Variants in WNK2 observed in about 807,000 individuals in gnomAD.
WNK2 encodes the protein serine/threonine-protein kinase WNK2.
In WNK2, 67 loss-of-function variants were observed where a neutral mutation model predicts 192.1. That is an observed-to-expected ratio of 0.35 (90% confidence interval 0.29 to 0.43). WNK2 has a LOEUF of 0.43. WNK2 is among the 20% of genes least tolerant of loss of function. WNK2 has a pLI of 1.00. For synonymous variants in WNK2, 1,439 were observed against 1,393.9 expected (o/e 1.03, Z -0.72); for missense variants, 2,698 against 3,089.7 (o/e 0.87, Z 3.01).
intron 27 of WNK2, 190 bp downstream of exon 27, chr9:93,307,011 G>A (rs879578805): frequency 2.2e-5 from 15 of 669,908 alleles, no homozygotes; most frequent in African/African-American, 3.6e-5. Context: ...CGGCTCCCCC[G>A]TGTGTCTCGT....
In WNK2 at chr9:93,258,986, T is replaced by C. The variant is rs748131140; in HGVS notation, c.2438T>C (p.Leu813Pro). Residue 813 changes from leucine to proline, a missense_variant, in exon 12 of 30, where the codon CTC becomes CCC. Leu to Pro is a moderately conservative substitution (Grantham distance 98). Coordinates refer to ENST00000427277, the MANE Select transcript of WNK2 (RefSeq NM_006648.4). ...ACGCCCCTGGCGGGAATCGACGGCC[T>C]CCCTCCGGCCCTCCCAGACCTGCCG... ...PITPLAGIDG[L>P]PPALPDLPTA... The C allele has an allele frequency of 1.2e-6, 2 of 1,612,086 alleles. No homozygotes were observed. The highest frequency in any genetic ancestry group is 1.7e-6 in the Non-Finnish European group (2 of 1,179,606).
intron 10 of WNK2, 199 bp from the exon 11 acceptor site, chr9:93,256,749 C>A (rs1843364736): frequency 4.4e-6 from 3 of 685,466 alleles, no homozygotes; most frequent in Non-Finnish European, 7.1e-6. Flanking sequence ...TGGCTCCAGG[C>A]TGGCTGGAGT....
intron 2 of WNK2, among the ~76,000 whole-genome samples, chr9:93,189,760 G>A (rs989520790): frequency 6.6e-5 from 10 of 152,372 alleles, no homozygotes; most frequent in Middle Eastern, 6.8e-3. Context: ...CTAGGCAGGC[G>A]TTCTGCATGT....
At chr9:93,292,464 C>G (rs1849514228) in intron 22 of WNK2, 27 bp from the exon 23 acceptor site, 1 of 1,611,368 alleles carries the variant, frequency 6.2e-7, no homozygotes, top group Non-Finnish European at 8.5e-7. Flanking sequence ...TCACATGAAA[C>G]CTCTTCATCT....
At chr9:93,199,986 GC>G (rs761841557) in intron 2 of WNK2, among the ~76,000 whole-genome samples, 1 of 152,042 alleles carries the variant, frequency 6.6e-6, no homozygotes, top group East Asian at 1.9e-4. Context: ...GTCCAGGGCA[GC>G]CCCAGCCTGG....
In WNK2 at chr9:93,217,326, A is replaced by G. The variant is rs112024181; in HGVS notation, c.682-12370A>G. 6.6e-4 allele frequency among the ~76,000 whole-genome samples: 101 copies of G among 152,316 alleles called. 1 individual carries two copies. Among genetic ancestry groups the G allele is most frequent in the African/African-American group, 2.2e-3 (90 of 41,562 alleles). On this transcript the variant is annotated intron_variant, in intron 2 of 29. Transcript: ENST00000427277. The stretch of plus-strand genomic sequence containing the variant: ...GCACTTACAGAACATCTCAACCTGT[A>G]CTGGCCTGATTTCAAGTGCTCATTA...
At chr9:93,217,285 C>T (rs967423235) in intron 2 of WNK2, among the ~76,000 whole-genome samples, 13 of 152,198 alleles carry the variant, frequency 8.5e-5, no homozygotes, top group African/African-American at 2.2e-4. Flanking sequence ...GATACTACGC[C>T]GCTGCCACGT....
chr9:93,253,070 G>A lies in WNK2; in HGVS notation c.2022G>A (p.Gln674=). 6.8e-7 allele frequency: 1 copy of A among 1,476,128 alleles called. No individual in the cohort carries two copies. The highest frequency in any genetic ancestry group is 1.3e-5 in the South Asian group (1 of 74,550). 91.4% of individuals were successfully genotyped at this position (1,476,128 alleles called of 1,614,324 possible). Reference sequence around the variant, plus strand: ...TGCCCTCGCTGGGGGCCTACCAGCAGCCCACGGCTGCAGTGAGTCAGAGCA... The same window carrying A: ...TGCCCTCGCTGGGGGCCTACCAGCAACCCACGGCTGCAGTGAGTCAGAGCA... ...QSLPSLGAYQ[Q]PTAAPGLPVG... Residue 674 remains glutamine, a synonymous_variant, in exon 9 of 30, where the codon CAG becomes CAA. Coordinates refer to ENST00000427277, the MANE Select transcript of WNK2 (RefSeq NM_006648.4).
At chr9:93,275,793 A>C (rs1846771618) in intron 19 of WNK2, among the ~76,000 whole-genome samples, 1 of 152,242 alleles carries the variant, frequency 6.6e-6, no homozygotes, top group African/African-American at 2.4e-5. Flanking sequence ...AAATACCTCA[A>C]TATTTGTATA....
chr9:93,269,687 A>G (rs1229523063), intron 19 of WNK2, among the ~76,000 whole-genome samples: 1 of 152,198 alleles, frequency 6.6e-6, no homozygotes, highest in Non-Finnish European at 1.5e-5. Context: ...CCCTCCTAAG[A>G]GCTAATTTTT....
At chr9:93,248,762 GTTTC>G (rs1842138708) in intron 8 of WNK2, among the ~76,000 whole-genome samples, 2 of 152,220 alleles carry the variant, frequency 1.3e-5, no homozygotes, top group African/African-American at 4.8e-5. Context: ...AGGCAGAAAA[GTTTC>G]TGTCTGTGCC....
intron 2 of WNK2, among the ~76,000 whole-genome samples, chr9:93,214,802 A>T (rs969173441): frequency 1.4e-5 from 2 of 145,102 alleles, no homozygotes; most frequent in African/African-American, 5.1e-5. Flanking sequence ...CTTTCTTTGT[A>T]TCTAATCTGC....
At chr9:93,273,719 C>T (rs1402186497) in intron 19 of WNK2, among the ~76,000 whole-genome samples, 1 of 152,164 alleles carries the variant, frequency 6.6e-6, no homozygotes, top group Non-Finnish European at 1.5e-5. Flanking sequence ...ATACATTTTT[C>T]AAGTACGTAT....
chr9:93,265,948 G>GT (rs537551419), intron 16 of WNK2, among the ~76,000 whole-genome samples: 5 of 152,302 alleles, frequency 3.3e-5, no homozygotes, highest in South Asian at 4.1e-4. Flanking sequence ...TCTCAGCCTT[G>GT]TTTTTTTCAC....
At chr9:93,261,057 C>T (rs1844149632) in intron 12 of WNK2, among the ~76,000 whole-genome samples, 1 of 152,104 alleles carries the variant, frequency 6.6e-6, no homozygotes. Context: ...CATGGGGTAC[C>T]CTGAATGCAG....
chr9:93,294,796 G>A (rs1849971735), intron 23 of WNK2, among the ~76,000 whole-genome samples: 1 of 152,048 alleles, frequency 6.6e-6, no homozygotes, highest in Non-Finnish European at 1.5e-5. Flanking sequence ...GCAGGGAGAG[G>A]ACCAGAAGCA....
Position 93,260,898 on chromosome 9 carries a change from TC to T in WNK2, c.3067-914del, listed in dbSNP as rs530610659. On this transcript the variant is annotated intron_variant, in intron 12 of 29. Coordinates refer to ENST00000427277, the MANE Select transcript of WNK2 (RefSeq NM_006648.4). ...GAGGGGGACCTTGCTGTCTGGGCTT[TC>T]CTACCTGAAGAGCCTTTCTGGGCAC... is the stretch of plus-strand genomic sequence containing the variant. Among the ~76,000 whole-genome samples the T allele has an allele frequency of 1.1e-3, 175 of 152,330 alleles. 1 individual carries two copies. Among genetic ancestry groups the T allele is most frequent in the African/African-American group, 3.4e-3 (142 of 41,580 alleles).
chr9:93,318,470 T>C, intron 29 of WNK2: 2 of 1,614,050 alleles, frequency 1.2e-6, no homozygotes, highest in Non-Finnish European at 1.7e-6. Flanking sequence ...CAGTAGGGAA[T>C]GTCAGTTGTT....
intron 2 of WNK2, among the ~76,000 whole-genome samples, chr9:93,186,588 A>C (rs1242518993): frequency 6.6e-6 from 1 of 152,114 alleles, no homozygotes; most frequent in East Asian, 1.9e-4. Flanking sequence ...CAGGCCTGAA[A>C]CGGGGCTGGG....
Sources: gnomAD v4.1 joint callset for allele counts (sites outside exome capture counted in the v4.1 genomes callset) on GRCh38, gnomAD v4.1.1 for gene constraint, MANE v1.5 for transcripts, NCBI Gene and HGNC (gene_info 2026-07-23, HGNC 2026-07-21) for gene names.